The following PRSS12 variants were observed in gnomAD, a reference collection of about 807,000 sequenced individuals.
PRSS12 encodes serine protease 12.
In PRSS12, 85 loss-of-function variants were observed where a neutral mutation model predicts 104.4. The ratio of observed to expected loss-of-function variants is 0.81; its 90% CI spans 0.68 to 0.98. PRSS12 has a LOEUF of 0.98. PRSS12 is among the 50% of genes least tolerant of loss of function. The pLI is 0.00. For missense variants in PRSS12, 1,141 were observed against 1,139.2 expected, an observed-to-expected ratio of 1.00 and a Z score of -0.02; for synonymous variants, 454 against 425.2, an observed-to-expected ratio of 1.07 and a Z score of -0.83.
At chr4:118,327,852 A>G (rs568676020) in intron 4 of PRSS12, among the ~76,000 whole-genome samples, 2 of 152,340 alleles carry the variant, frequency 1.3e-5, no homozygotes, top group East Asian at 3.9e-4. Context: ...AAGTATCTTA[A>G]GTATAATAAT....
chr4:118,303,572 T>C (rs1164187523), intron 8 of PRSS12: 2 of 152,144 alleles, frequency 1.3e-5, no homozygotes, highest in African/African-American at 4.8e-5. Context: ...GAAAGGCTTC[T>C]CACTGGTTTA....
At chr4:118,350,094 G>GT (rs775438370) in intron 1 of PRSS12, among the ~76,000 whole-genome samples, 9 of 152,154 alleles carry the variant, frequency 5.9e-5, no homozygotes, top group Non-Finnish European at 1.3e-4. Flanking sequence ...TGAATGCACA[G>GT]TAAGTCCTAG....
At chr4:118,338,375 C>A in intron 1 of PRSS12, 61 bp from the exon 2 acceptor site, 1 of 1,594,868 alleles carries the variant, frequency 6.3e-7, no homozygotes, top group South Asian at 1.1e-5. Context: ...ACATATTGAG[C>A]CAGTCCTGGG....
intron 12 of PRSS12, 81 bp downstream of exon 12, chr4:118,282,750 T>A: frequency 1.3e-6 from 2 of 1,578,284 alleles, no homozygotes; most frequent in Non-Finnish European, 1.7e-6. Flanking sequence ...CCATTTAAGA[T>A]CTTATTGCCC....
chr4:118,310,144 A>C (rs1743669501), intron 7 of PRSS12, among the ~76,000 whole-genome samples: 1 of 152,214 alleles, frequency 6.6e-6, no homozygotes. Flanking sequence ...AATACATCTG[A>C]AATTTGGGAG....
At chr4:118,302,555 C>A (rs751877986) in intron 8 of PRSS12, among the ~76,000 whole-genome samples, 1 of 152,040 alleles carries the variant, frequency 6.6e-6, no homozygotes, top group African/African-American at 2.4e-5. Context: ...GCCTCCCGAG[C>A]GGCTGGGATT....
At chr4:118,338,852 T>C (rs1392733160) in intron 1 of PRSS12, among the ~76,000 whole-genome samples, 4 of 152,198 alleles carry the variant, frequency 2.6e-5, no homozygotes, top group Admixed American at 2.6e-4. Flanking sequence ...ATAAAATGTG[T>C]TTTCCCCTTT....
At chr4:118,295,375 C>T (rs1452323711) in intron 10 of PRSS12, among the ~76,000 whole-genome samples, 3 of 152,212 alleles carry the variant, frequency 2.0e-5, no homozygotes, top group Admixed American at 1.3e-4. Flanking sequence ...CACTCTACCT[C>T]GCCTATGCAG....
chr4:118,310,581 T>C (rs788649), intron 7 of PRSS12, among the ~76,000 whole-genome samples: 43,878 of 152,098 alleles, frequency 0.29, 8,045 homozygotes, highest in Middle Eastern at 0.43. Context: ...ATCTTAAATA[T>C]ATAAAGTTTT....
chr4:118,313,036 A>T (rs1434127175), intron 7 of PRSS12, 165 bp downstream of exon 7: 7 of 789,904 alleles, frequency 8.9e-6, no homozygotes, highest in Non-Finnish European at 1.2e-5. Flanking sequence ...GCACAGACTC[A>T]AAAGATTATT....
chr4:118,294,931 A>G lies in PRSS12; in HGVS notation c.2039+8T>C. The G allele has an allele frequency of 6.2e-7, 1 of 1,613,992 alleles. No homozygotes were observed. The highest frequency in any genetic ancestry group is 8.5e-7 in the Non-Finnish European group (1 of 1,179,956). On this transcript the variant is annotated splice_region_variant and intron_variant, in intron 11 of 12. Coordinates refer to ENST00000296498, the MANE Select transcript of PRSS12 (RefSeq NM_003619.4). ...TACACTAGGTTGTTTGGGAAGGTGGACACATACCTCTTGAAACAGTGTGCT... is the reference window on the plus strand; with the variant it reads ...TACACTAGGTTGTTTGGGAAGGTGGGCACATACCTCTTGAAACAGTGTGCT...
chr4:118,298,153 A>T (rs1346142505), intron 9 of PRSS12, among the ~76,000 whole-genome samples: 1 of 152,012 alleles, frequency 6.6e-6, no homozygotes, highest in Non-Finnish European at 1.5e-5. Flanking sequence ...AAAAAAAAAA[A>T]AAAAAAATTA....
At chr4:118,351,138 A>G (rs1724489367) in intron 1 of PRSS12, among the ~76,000 whole-genome samples, 1 of 152,200 alleles carries the variant, frequency 6.6e-6, no homozygotes, top group African/African-American at 2.4e-5. Flanking sequence ...ATGCAATTGA[A>G]GGTACTGATA....
intron 11 of PRSS12, among the ~76,000 whole-genome samples, chr4:118,288,860 A>G (rs1743067073): frequency 6.6e-6 from 1 of 152,242 alleles, no homozygotes; most frequent in Non-Finnish European, 1.5e-5. Flanking sequence ...AATTGCCAAC[A>G]GGCTACTGCA....
At chr4:118,318,946 T>C (rs1033743092) in intron 4 of PRSS12, among the ~76,000 whole-genome samples, 1 of 152,220 alleles carries the variant, frequency 6.6e-6, no homozygotes, top group South Asian at 2.1e-4. Flanking sequence ...TTTTGGTTTA[T>C]AGTGCATTAA....
chr4:118,327,218 A>C (rs887391798), intron 4 of PRSS12, among the ~76,000 whole-genome samples: 1 of 152,076 alleles, frequency 6.6e-6, no homozygotes, highest in African/African-American at 2.4e-5. Context: ...GCAGTGGTGC[A>C]ACTGCAACTC....
At chr4:118,319,070 T>G (rs536617162) in intron 4 of PRSS12, among the ~76,000 whole-genome samples, 23 of 152,260 alleles carry the variant, frequency 1.5e-4, no homozygotes, top group African/African-American at 5.5e-4. Flanking sequence ...TTTCTTTTTG[T>G]TATGTTTGAG....
intron 4 of PRSS12, among the ~76,000 whole-genome samples, chr4:118,328,917 C>T (rs1425401372): frequency 2.0e-5 from 3 of 152,170 alleles, no homozygotes; most frequent in African/African-American, 7.2e-5. Context: ...CCTCAGCCTC[C>T]TGAGTAGCTG....
At chr4:118,327,358 C>T (rs1723801365) in intron 4 of PRSS12, among the ~76,000 whole-genome samples, 2 of 151,874 alleles carry the variant, frequency 1.3e-5, no homozygotes, top group South Asian at 4.1e-4. Flanking sequence ...CACTATGTTG[C>T]CAAGGCTGGT....
Sources: gnomAD v4.1 joint callset for allele counts (sites outside exome capture counted in the v4.1 genomes callset) on GRCh38, gnomAD v4.1.1 for gene constraint, MANE v1.5 for transcripts, NCBI Gene and HGNC (gene_info 2026-07-23, HGNC 2026-07-21) for gene names.